Variants in SESN1 observed in about 807,000 individuals in gnomAD.
The protein encoded by SESN1 is sestrin 1.
A neutral mutation model predicts 59.3 loss-of-function variants in SESN1; 30 were observed. The ratio of observed to expected loss-of-function variants is 0.51; its 90% CI spans 0.38 to 0.69. The LOEUF is 0.69. Among genes scored for constraint, SESN1 ranks in the 30% least tolerant of loss-of-function variants. SESN1 has a pLI of 0.00. For synonymous variants in SESN1, 197 were observed against 219.9 expected (o/e 0.90, Z 0.92); for missense variants, 566 against 673.0 (o/e 0.84, Z 1.76).
At chr6:109,086,606 A>C (rs1781216943) in intron 1 of SESN1, among the ~76,000 whole-genome samples, 1 of 152,208 alleles carries the variant, frequency 6.6e-6, no homozygotes. Context: ...TAAGGACACA[A>C]AGTGTTGAAA....
At chr6:109,093,282 AG>A (rs1289620903) in intron 1 of SESN1, among the ~76,000 whole-genome samples, 1 of 152,166 alleles carries the variant, frequency 6.6e-6, no homozygotes, top group Non-Finnish European at 1.5e-5. Flanking sequence ...TGAAGATATT[AG>A]CTTCTTTTAA....
intron 1 of SESN1, among the ~76,000 whole-genome samples, chr6:109,020,019 C>A (rs1401779049): frequency 1.3e-5 from 2 of 152,096 alleles, no homozygotes; most frequent in Non-Finnish European, 1.5e-5. Context: ...AAGAGCAAAG[C>A]AGAGTCAAAA....
At chr6:109,068,790 G>T (rs1290677755) in intron 1 of SESN1, among the ~76,000 whole-genome samples, 1 of 149,576 alleles carries the variant, frequency 6.7e-6, no homozygotes, top group Non-Finnish European at 1.5e-5. Flanking sequence ...GTACGATCCT[G>T]GCTCACTGCA....
In SESN1 at chr6:109,064,443, T is replaced by C. The variant is rs373149292; in HGVS notation, c.279+29352A>G. On this transcript the variant is annotated intron_variant, in intron 1 of 9. Transcript: ENST00000436639. ...AATGATGTACTAATTAACACCAAAA[T>C]AGAAAATGATTTAGGACAGTATGTG... Among the ~76,000 whole-genome samples the C allele has an allele frequency of 3.8e-3, 564 of 149,964 alleles. 1 individual carries two copies. Among genetic ancestry groups the C allele is most frequent in the Admixed American group, 5.0e-3 (75 of 14,978 alleles).
At chr6:109,035,594 T>G (rs1479660508) in intron 1 of SESN1, among the ~76,000 whole-genome samples, 1 of 151,878 alleles carries the variant, frequency 6.6e-6, no homozygotes, top group Non-Finnish European at 1.5e-5. Context: ...TGACTCTTAC[T>G]GGGCTTCATG....
chr6:109,027,359 C>A (rs1780111979), intron 1 of SESN1, among the ~76,000 whole-genome samples: 1 of 151,406 alleles, frequency 6.6e-6, no homozygotes, highest in African/African-American at 2.4e-5. Flanking sequence ...TGCCTGTAAT[C>A]CCAGCTACTT....
At chr6:109,005,394 CT>C (rs1254338508) in intron 1 of SESN1, among the ~76,000 whole-genome samples, 2 of 152,078 alleles carry the variant, frequency 1.3e-5, no homozygotes, top group Non-Finnish European at 2.9e-5. Flanking sequence ...ATTTCTAGGC[CT>C]TTATCTTACA....
intron 1 of SESN1, among the ~76,000 whole-genome samples, chr6:109,009,917 G>A (rs773418833): frequency 1.7e-4 from 26 of 152,030 alleles, no homozygotes; most frequent in Non-Finnish European, 3.4e-4. Flanking sequence ...CCTCGAGACT[G>A]ATTCTGACAG....
intron 1 of SESN1, among the ~76,000 whole-genome samples, chr6:109,028,491 T>C (rs967778241): frequency 2.0e-5 from 3 of 152,204 alleles, no homozygotes; most frequent in African/African-American, 7.2e-5. Flanking sequence ...AATTAAGTAC[T>C]GTCTGATGAG....
chr6:109,056,008 C>CGGCCGGGCGCGGTGGCTCACGCCTGT (rs1232990491), intron 1 of SESN1, among the ~76,000 whole-genome samples: 1 of 152,176 alleles, frequency 6.6e-6, no homozygotes, highest in Admixed American at 6.5e-5. Context: ...AATTTCCTCA[C>CGGCCGGGCGCGGTGGCTCACGCCTGT]AACAAACTAC....
At chr6:109,081,403 C>G (rs1781120168) in intron 1 of SESN1, among the ~76,000 whole-genome samples, 1 of 152,176 alleles carries the variant, frequency 6.6e-6, no homozygotes, top group Non-Finnish European at 1.5e-5. Flanking sequence ...ATTCAACTTG[C>G]ATTAGCTATG....
intron 1 of SESN1, among the ~76,000 whole-genome samples, chr6:109,012,069 A>C (rs773117129): frequency 1.3e-5 from 2 of 152,084 alleles, no homozygotes; most frequent in African/African-American, 2.4e-5. Flanking sequence ...GCTCCTCTCA[A>C]CCTCTAGGGC....
At chr6:108,991,562 T>G (rs1320998051) in intron 7 of SESN1, among the ~76,000 whole-genome samples, 2 of 152,184 alleles carry the variant, frequency 1.3e-5, no homozygotes, top group Non-Finnish European at 2.9e-5. Context: ...AATTTTTAAT[T>G]AAACACATCT....
chr6:108,989,853 A>G (rs1227613551), intron 8 of SESN1, among the ~76,000 whole-genome samples: 1 of 152,098 alleles, frequency 6.6e-6, no homozygotes, highest in African/African-American at 2.4e-5. Context: ...GAAGTCTCCT[A>G]TTGAGTTTTC....
chr6:109,061,533 G>A (rs558671979), intron 1 of SESN1, among the ~76,000 whole-genome samples: 13 of 152,180 alleles, frequency 8.5e-5, no homozygotes, highest in African/African-American at 3.1e-4. Flanking sequence ...GCTGGGTGAG[G>A]TGGCTCATAC....
At chr6:108,988,879 G>A (rs1442967691) in intron 8 of SESN1, among the ~76,000 whole-genome samples, 192 bp from the exon 9 acceptor site, 1 of 152,134 alleles carries the variant, frequency 6.6e-6, no homozygotes, top group Non-Finnish European at 1.5e-5. Flanking sequence ...AGAGTACTTA[G>A]GGAGACTAAC....
intron 1 of SESN1, among the ~76,000 whole-genome samples, chr6:109,025,324 G>T (rs1201167033): frequency 6.6e-6 from 1 of 151,758 alleles, no homozygotes; most frequent in Non-Finnish European, 1.5e-5. Context: ...TTAAAAGCAA[G>T]GTAAATATTT....
At chr6:109,060,284 A>C (rs1463725932) in intron 1 of SESN1, among the ~76,000 whole-genome samples, 1 of 152,242 alleles carries the variant, frequency 6.6e-6, no homozygotes, top group Non-Finnish European at 1.5e-5. Flanking sequence ...AAGTATTTTA[A>C]GAAATGTAAT....
At chr6:109,005,238 T>C (rs914672824) in intron 1 of SESN1, among the ~76,000 whole-genome samples, 4 of 152,190 alleles carry the variant, frequency 2.6e-5, no homozygotes, top group African/African-American at 9.7e-5. Context: ...ATGCAGTCTT[T>C]AGAAAAAATG....
Sources: allele counts gnomAD v4.1 joint callset (sites outside exome capture counted in the v4.1 genomes callset), GRCh38; gene constraint gnomAD v4.1.1; transcripts MANE v1.5; gene names NCBI Gene and HGNC (gene_info 2026-07-23, HGNC 2026-07-21).